THSD7A: variants seen among roughly 807,000 people sequenced by gnomAD.
THSD7A encodes the protein thrombospondin type 1 domain containing 7A.
A neutral mutation model predicts 231.3 loss-of-function variants in THSD7A; 96 were observed. The ratio of observed to expected loss-of-function variants is 0.41; its 90% confidence interval spans 0.35 to 0.49. The LOEUF (loss-of-function observed/expected upper bound fraction) is 0.49, where lower values mean the gene tolerates loss of function less well. THSD7A is among the 20% of genes least tolerant of loss of function. The pLI, the probability that THSD7A is intolerant of heterozygous loss-of-function variation, is 0.05. For missense variants in THSD7A, 2,290 were observed against 2,070.2 expected, an observed-to-expected ratio of 1.11 and a Z score of -2.06; for synonymous variants, 940 against 743.3, an observed-to-expected ratio of 1.26 and a Z score of -4.30.
chr7:11,388,205 T>C (rs918122535), intron 23 of THSD7A, among the ~76,000 whole-genome samples: 1 of 152,098 alleles, frequency 6.6e-6, no homozygotes, highest in African/African-American at 2.4e-5. Flanking sequence ...GATGATGGCC[T>C]CATAAAATGA....
At chr7:11,529,615 TC>T (rs1387519725) in intron 6 of THSD7A, among the ~76,000 whole-genome samples, 24 of 67,868 alleles carry the variant, frequency 3.5e-4, no homozygotes, top group Non-Finnish European at 6.1e-4. Flanking sequence ...TCTCTCTCTC[TC>T]TCGCTGCCAT....
intron 2 of THSD7A, among the ~76,000 whole-genome samples, chr7:11,607,635 T>C (rs1341079809): frequency 6.6e-6 from 1 of 152,154 alleles, no homozygotes; most frequent in African/African-American, 2.4e-5. Context: ...ATTTATTTAT[T>C]CATTTATCAA....
chr7:11,594,188 G>C (rs577418386), intron 2 of THSD7A, among the ~76,000 whole-genome samples: 1 of 152,294 alleles, frequency 6.6e-6, no homozygotes, highest in African/African-American at 2.4e-5. Context: ...AAGTTCTTCA[G>C]TTGTGGAACT....
rs185920060 is a variant in THSD7A at position 11,828,236 on chromosome 7, A to G, written c.190+3521T>C. 1.7e-3 allele frequency among the ~76,000 whole-genome samples: 257 copies of G among 152,314 alleles called. 2 individuals are homozygous for G. In the Middle Eastern group the frequency reaches 0.017, roughly 10 times the overall value. On this transcript the variant is annotated intron_variant, in intron 1 of 27. Transcript: ENST00000423059. The stretch of plus-strand genomic sequence containing the variant: ...TGATAATCTGGTCCTAACTCACTGG[A>G]TTGGCATGAAATCTTTTCATTGCTA...
At chr7:11,544,212 C>T (rs527860459) in intron 4 of THSD7A, among the ~76,000 whole-genome samples, 9 of 152,106 alleles carry the variant, frequency 5.9e-5, no homozygotes, top group Middle Eastern at 3.4e-3. Flanking sequence ...CGTGGTGGTG[C>T]ACACCTGTAG....
intron 1 of THSD7A, among the ~76,000 whole-genome samples, chr7:11,757,002 A>C (rs564982544): frequency 4.0e-4 from 61 of 151,952 alleles, no homozygotes; most frequent in African/African-American, 1.4e-3. Context: ...AGAGCACATA[A>C]GTTTCTTAAG....
intron 6 of THSD7A, among the ~76,000 whole-genome samples, chr7:11,486,363 T>A (rs967561730): frequency 2.6e-5 from 4 of 152,222 alleles, no homozygotes; most frequent in African/African-American, 9.6e-5. Context: ...GGTTAATTTA[T>A]ACTCCTCTAT....
intron 2 of THSD7A, among the ~76,000 whole-genome samples, chr7:11,596,000 A>G (rs1292604714): frequency 2.0e-5 from 3 of 152,244 alleles, no homozygotes; most frequent in Non-Finnish European, 4.4e-5. Context: ...CTTAATTTAT[A>G]TAGGCAGAAA....
At chr7:11,535,851 T>G (rs1788894722) in intron 6 of THSD7A, among the ~76,000 whole-genome samples, 1 of 152,306 alleles carries the variant, frequency 6.6e-6, no homozygotes, top group East Asian at 1.9e-4. Flanking sequence ...CACCAAGGTT[T>G]CAGAAGCAAA....
At chr7:11,457,407 A>G (rs1375003254) in intron 11 of THSD7A, among the ~76,000 whole-genome samples, 1 of 152,016 alleles carries the variant, frequency 6.6e-6, no homozygotes, top group Non-Finnish European at 1.5e-5. Flanking sequence ...TTTTATTTTT[A>G]TCTCTCTTCT....
At chr7:11,817,799 A>T (rs1227115413) in intron 1 of THSD7A, among the ~76,000 whole-genome samples, 2 of 152,230 alleles carry the variant, frequency 1.3e-5, no homozygotes, top group African/African-American at 4.8e-5. Context: ...ATTAGAAATC[A>T]TATTCCTAAT....
chr7:11,467,403 T>C (rs549420823), intron 9 of THSD7A, among the ~76,000 whole-genome samples: 1 of 152,324 alleles, frequency 6.6e-6, no homozygotes, highest in South Asian at 2.1e-4. Flanking sequence ...TAAATGCAAT[T>C]AAAAGCTTCC....
At chr7:11,476,001 T>C (rs1039835133) in intron 7 of THSD7A, among the ~76,000 whole-genome samples, 1 of 149,782 alleles carries the variant, frequency 6.7e-6, no homozygotes, top group Non-Finnish European at 1.5e-5. Context: ...ACAAATTGTA[T>C]ACCCAGTGGG....
chr7:11,540,182 A>G (rs1160079026), intron 6 of THSD7A, among the ~76,000 whole-genome samples: 1 of 152,206 alleles, frequency 6.6e-6, no homozygotes, highest in African/African-American at 2.4e-5. Context: ...AAAAAGCAGA[A>G]TATATAAAAT....
At chr7:11,677,471 T>A (rs1270046913) in intron 1 of THSD7A, among the ~76,000 whole-genome samples, 2 of 147,902 alleles carry the variant, frequency 1.4e-5, no homozygotes, top group Non-Finnish European at 3.0e-5. Flanking sequence ...GCAAATTGGG[T>A]AAAGAGTCAA....
intron 1 of THSD7A, among the ~76,000 whole-genome samples, chr7:11,828,243 T>C (rs1300916556): frequency 6.6e-6 from 1 of 152,250 alleles, no homozygotes; most frequent in African/African-American, 2.4e-5. Context: ...TGGATTGGCA[T>C]GAAATCTTTT....
At chr7:11,775,237 C>G (rs1783363625) in intron 1 of THSD7A, among the ~76,000 whole-genome samples, 1 of 152,134 alleles carries the variant, frequency 6.6e-6, no homozygotes, top group African/African-American at 2.4e-5. Flanking sequence ...AACCCTTGTG[C>G]TTTACTGGTG....
intron 4 of THSD7A, among the ~76,000 whole-genome samples, chr7:11,543,403 T>C (rs2128323391): frequency 6.6e-6 from 1 of 152,356 alleles, no homozygotes; most frequent in South Asian, 2.1e-4. Flanking sequence ...ATAACTTTCC[T>C]AGTCTGCAAA....
intron 23 of THSD7A, among the ~76,000 whole-genome samples, chr7:11,386,505 A>T (rs974693563): frequency 6.6e-5 from 10 of 152,136 alleles, no homozygotes; most frequent in African/African-American, 2.4e-4. Context: ...TGGCTGCATA[A>T]TGTCTTCTTT....
Sources: gnomAD v4.1 joint callset for allele counts (sites outside exome capture counted in the v4.1 genomes callset) on GRCh38, gnomAD v4.1.1 for gene constraint, MANE v1.5 for transcripts, NCBI Gene and HGNC (gene_info 2026-07-23, HGNC 2026-07-21) for gene names.